Variants in SYN3 observed in about 807,000 individuals in gnomAD.
SYN3 encodes synapsin-3.
Under a neutral mutation model 65.8 loss-of-function variants are expected in SYN3, and 35 were observed. The observed-to-expected ratio is 0.53, with a 90% CI of 0.41 to 0.70. The LOEUF (loss-of-function observed/expected upper bound fraction) is 0.70. Among genes scored for constraint, SYN3 ranks in the 30% least tolerant of loss-of-function variants. The probability of loss-of-function intolerance (pLI) is 0.00; values close to 1 mark genes in which losing one functional copy is unlikely to be tolerated. For synonymous variants in SYN3, 270 were observed against 292.9 expected, an observed-to-expected ratio of 0.92 and a Z score of 0.80; for missense variants, 680 against 749.0, an observed-to-expected ratio of 0.91 and a Z score of 1.08.
intron 3 of SYN3, among the ~76,000 whole-genome samples, chr22:32,958,395 G>A (rs1472518699): frequency 6.6e-6 from 1 of 152,198 alleles, no homozygotes; most frequent in Non-Finnish European, 1.5e-5. Context: ...GGGTGGTGAT[G>A]ACAATAATTA....
intron 6 of SYN3, among the ~76,000 whole-genome samples, chr22:32,711,438 C>T (rs866293957): frequency 1.3e-4 from 20 of 152,216 alleles, no homozygotes; most frequent in Middle Eastern, 3.4e-3. Flanking sequence ...AAACACCAGC[C>T]AAAGTGATGG....
chr22:32,892,958 G>T (rs542562341), intron 4 of SYN3, among the ~76,000 whole-genome samples: 25 of 152,284 alleles, frequency 1.6e-4, no homozygotes, highest in African/African-American at 5.1e-4. Flanking sequence ...ACCATAAAGA[G>T]AAGCTTGGGA....
intron 6 of SYN3, among the ~76,000 whole-genome samples, chr22:32,599,606 C>T (rs922555353): frequency 3.3e-5 from 5 of 152,118 alleles, no homozygotes; most frequent in African/African-American, 1.2e-4. Flanking sequence ...CAGGTGTGAG[C>T]CACTGCGCCG....
intron 4 of SYN3, among the ~76,000 whole-genome samples, chr22:32,887,170 A>C (rs1305796455): frequency 6.6e-6 from 1 of 152,158 alleles, no homozygotes; most frequent in Non-Finnish European, 1.5e-5. Context: ...TGAGTTCAGG[A>C]GTTCAAGACC....
intron 7 of SYN3, among the ~76,000 whole-genome samples, chr22:32,552,183 T>C (rs1487773773): frequency 1.3e-5 from 2 of 152,040 alleles, no homozygotes; most frequent in Non-Finnish European, 2.9e-5. Flanking sequence ...GAGGCGGAGG[T>C]TGCAGTGGAG....
rs181380315 is a variant in SYN3, at chr22:32,733,417, G to A, written c.711+131498C>T. ...CCATGGAGGAGGAACTAACAAAGAC[G>A]TCTTATCTTCCAGCTTCCTATTCCA... On this transcript the variant is annotated intron_variant, in intron 6 of 13. Transcript: ENST00000358763. 2.6e-5 allele frequency among the ~76,000 whole-genome samples: 4 copies of A among 152,298 alleles called. No individual in the cohort carries two copies. The East Asian group carries it at 7.7e-4, about 29-fold the overall frequency.
At position 32,626,525 on chromosome 22, in the gene SYN3, G is replaced by A. The variant is rs897565569; in HGVS notation, c.712-29789C>T. 4.7e-4 allele frequency among the ~76,000 whole-genome samples: 72 copies of A among 152,160 alleles called. 1 individual carries two copies. The highest frequency in any genetic ancestry group is 4.5e-3 in the Admixed American group (69 of 15,272). ...TTACAGCTTTGAGTAAACAAGGACC[G>A]AGAGTAGGTTTTTCAGAGGGGAGGA... is the stretch of plus-strand genomic sequence containing the variant. On this transcript the variant is annotated intron_variant, in intron 6 of 13. Coordinates refer to ENST00000358763, the MANE Select transcript of SYN3 (RefSeq NM_003490.4).
intron 6 of SYN3, among the ~76,000 whole-genome samples, chr22:32,604,603 T>TTTTCTA (rs2059340128): frequency 6.8e-5 from 8 of 117,348 alleles, no homozygotes; most frequent in Non-Finnish European, 9.0e-5. Flanking sequence ...GCTGAAATTC[T>TTTTCTA]GTCCCTGAAA....
rs555988327 is a variant in SYN3 at position 32,723,916 on chromosome 22, G to A, written c.712-127180C>T. On this transcript the variant is annotated intron_variant, in intron 6 of 13. Coordinates refer to ENST00000358763, the MANE Select transcript of SYN3 (RefSeq NM_003490.4). ...CTAGCCCTGGTGCTGCTGACCGTAC[G>A]TGGCCATGTGACAGCAAATGCCACG... Among the ~76,000 whole-genome samples, 7 of 152,206 alleles carry A rather than the reference G, an allele frequency of 4.6e-5. No individual in the cohort carries two copies. The South Asian group carries it at 8.3e-4, about 18-fold the overall frequency.
At chr22:32,562,827 G>A (rs2058606007) in intron 7 of SYN3, among the ~76,000 whole-genome samples, 2 of 152,196 alleles carry the variant, frequency 1.3e-5, no homozygotes, top group Non-Finnish European at 2.9e-5. Flanking sequence ...ATTGGCCCAG[G>A]GTCCTTCCTT....
At chr22:32,546,119 G>T (rs1047624116) in intron 7 of SYN3, among the ~76,000 whole-genome samples, 3 of 151,938 alleles carry the variant, frequency 2.0e-5, no homozygotes, top group African/African-American at 7.3e-5. Context: ...TTTACAGAGG[G>T]TCTCCCACAT....
chr22:32,796,159 T>C (rs895455145), intron 6 of SYN3, among the ~76,000 whole-genome samples: 3 of 152,210 alleles, frequency 2.0e-5, no homozygotes, highest in Non-Finnish European at 4.4e-5. Context: ...TTCCATTTCA[T>C]AGTACCCTTC....
At chr22:32,587,802 G>C (rs557544551) in intron 7 of SYN3, among the ~76,000 whole-genome samples, 2 of 152,122 alleles carry the variant, frequency 1.3e-5, no homozygotes, top group Non-Finnish European at 2.9e-5. Context: ...AACAGACAGG[G>C]GTGTCTGCAG....
At chr22:32,522,707 C>T (rs967033620) in intron 12 of SYN3, among the ~76,000 whole-genome samples, 4 of 152,286 alleles carry the variant, frequency 2.6e-5, no homozygotes, top group African/African-American at 9.6e-5. Context: ...ACACCTTCTA[C>T]GCACTATCTC....
At chr22:33,053,499 C>T (rs1359294939) in intron 1 of SYN3, among the ~76,000 whole-genome samples, 1 of 152,160 alleles carries the variant, frequency 6.6e-6, no homozygotes, top group Non-Finnish European at 1.5e-5. Flanking sequence ...CCCGACCTTG[C>T]TACCCTTTTG....
At chr22:32,996,903 G>C (rs1315571494) in intron 2 of SYN3, among the ~76,000 whole-genome samples, 1 of 152,228 alleles carries the variant, frequency 6.6e-6, no homozygotes, top group Non-Finnish European at 1.5e-5. Context: ...GAGGTCACCG[G>C]AATCCTGTGC....
intron 6 of SYN3, among the ~76,000 whole-genome samples, chr22:32,639,242 C>A (rs2059862517): frequency 6.6e-6 from 1 of 152,168 alleles, no homozygotes; most frequent in South Asian, 2.1e-4. Context: ...CATGAGCCAC[C>A]ACGCCTGGCC....
intron 6 of SYN3, among the ~76,000 whole-genome samples, chr22:32,758,634 C>T (rs911307523): frequency 3.2e-5 from 4 of 123,186 alleles, no homozygotes; most frequent in African/African-American, 1.2e-4. Context: ...TGCAGACAGC[C>T]CCTATTGTGG....
chr22:32,648,493 G>A (rs2060015997), intron 6 of SYN3, among the ~76,000 whole-genome samples: 1 of 152,156 alleles, frequency 6.6e-6, no homozygotes, highest in African/African-American at 2.4e-5. Flanking sequence ...TGTGACCAAC[G>A]ATTGAAGTTT....
Sources: allele counts gnomAD v4.1 joint callset (sites outside exome capture counted in the v4.1 genomes callset), GRCh38; gene constraint gnomAD v4.1.1; transcripts MANE v1.5; gene names NCBI Gene and HGNC (gene_info 2026-07-23, HGNC 2026-07-21).